Variants in TSC22D1 observed in about 807,000 individuals in gnomAD.
TSC22D1 encodes the protein TSC22 domain family protein 1.
In TSC22D1, 9 loss-of-function variants were observed where a neutral mutation model predicts 74.2. That is an observed-to-expected ratio of 0.12 (90% confidence interval 0.07 to 0.21). The LOEUF (loss-of-function observed/expected upper bound fraction) is 0.21, where lower values mean the gene tolerates loss of function less well. Ranked by LOEUF, TSC22D1 falls within the 10% of genes least tolerant of loss-of-function variation. TSC22D1 has a pLI of 1.00. For missense variants in TSC22D1, 1,427 were observed against 1,304.7 expected (o/e 1.09, Z -1.44); for synonymous variants, 586 against 492.5 (o/e 1.19, Z -2.51).
intron 1 of TSC22D1, among the ~76,000 whole-genome samples, chr13:44,532,482 CTT>C (rs57246876): frequency 4.0e-5 from 6 of 151,284 alleles, no homozygotes; most frequent in Non-Finnish European, 8.8e-5. Context: ...TCTACAAAAT[CTT>C]TTTTTTTGAG....
intron 1 of TSC22D1, among the ~76,000 whole-genome samples, chr13:44,560,017 A>G (rs1882934372): frequency 6.6e-6 from 1 of 152,192 alleles, no homozygotes; most frequent in Non-Finnish European, 1.5e-5. Context: ...AATATTAGGC[A>G]CAAACAAAAG....
intron 1 of TSC22D1, among the ~76,000 whole-genome samples, chr13:44,557,873 A>T (rs557744020): frequency 6.6e-6 from 1 of 152,282 alleles, no homozygotes; most frequent in East Asian, 1.9e-4. Context: ...GTGTCTCCAT[A>T]TTCACTTATT....
chr13:44,484,300 C>T (rs187854216), intron 1 of TSC22D1, among the ~76,000 whole-genome samples: 53 of 152,310 alleles, frequency 3.5e-4, no homozygotes, highest in Non-Finnish European at 6.8e-4. Context: ...CTAGTCTCTA[C>T]AGTAACAAGA....
chr13:44,436,190 A>G (rs548644047), intron 1 of TSC22D1, 95 bp from the exon 2 acceptor site: 16 of 1,360,058 alleles, frequency 1.2e-5, no homozygotes, highest in Non-Finnish European at 1.5e-5. Context: ...TATTGCTAGC[A>G]TCATATTTTG....
intron 1 of TSC22D1, among the ~76,000 whole-genome samples, chr13:44,535,217 A>ACCTATGCCATACCTTACCTCTT (rs1316785195): frequency 6.8e-4 from 104 of 152,130 alleles, no homozygotes; most frequent in Admixed American, 1.8e-3. Flanking sequence ...ATATTTTTCT[A>ACCTATGCCATACCTTACCTCTT]CCTATGCCAT....
At chr13:44,505,449 G>T (rs1466941576) in intron 1 of TSC22D1, among the ~76,000 whole-genome samples, 1 of 152,120 alleles carries the variant, frequency 6.6e-6, no homozygotes, top group African/African-American at 2.4e-5. Flanking sequence ...TGCTACTTGG[G>T]AGGTTGAGGT....
chr13:44,568,232 G>A (rs1883509599), intron 1 of TSC22D1, among the ~76,000 whole-genome samples: 1 of 152,130 alleles, frequency 6.6e-6, no homozygotes, highest in Non-Finnish European at 1.5e-5. Flanking sequence ...CAAAGTGAAA[G>A]GAATCCCAGA....
intron 1 of TSC22D1, among the ~76,000 whole-genome samples, chr13:44,454,771 C>T (rs1052482937): frequency 4.6e-5 from 7 of 152,068 alleles, no homozygotes; most frequent in Non-Finnish European, 8.8e-5. Flanking sequence ...AGGAGGAAAC[C>T]AAGGCGCAAA....
At chr13:44,533,655 T>A (rs1595142751) in intron 1 of TSC22D1, among the ~76,000 whole-genome samples, 1 of 151,822 alleles carries the variant, frequency 6.6e-6, no homozygotes, top group Admixed American at 6.6e-5. Context: ...TGATGGCAGG[T>A]GCCTGTAATC....
chr13:44,434,088 G>A lies in TSC22D1; in HGVS notation c.*538C>T. The A allele has an allele frequency of 6.6e-7, 1 of 1,522,202 alleles. No individual in the cohort carries two copies. Among genetic ancestry groups the A allele is most frequent in the Admixed American group, 2.2e-5 (1 of 46,016 alleles). 94.3% of individuals were successfully genotyped at this position (1,522,202 alleles called of 1,614,324 possible). A position where few individuals can be genotyped will look rare whatever the true frequency, so the allele number is the denominator to read the frequency against. On this transcript the variant is annotated 3_prime_UTR_variant, in exon 3 of 3. Transcript: ENST00000458659. ...TCATCCATTGTTTGAGAAGAAAGAG[G>A]CACAGTACTATTGTTTTTTATGAAT...
At chr13:44,576,769 G>T (rs1182907926), upstream of TSC22D1, among the ~76,000 whole-genome samples, 1 of 151,296 alleles carries the variant, frequency 6.6e-6, no homozygotes, top group Non-Finnish European at 1.5e-5. Flanking sequence ...CCGGTACGGT[G>T]AGCCCAGCAA....
At chr13:44,572,808 T>C (rs898888980) in intron 1 of TSC22D1, among the ~76,000 whole-genome samples, 1 of 152,244 alleles carries the variant, frequency 6.6e-6, no homozygotes, top group Non-Finnish European at 1.5e-5. Context: ...GAGATTATTT[T>C]AGCAGCTCAA....
intron 1 of TSC22D1, among the ~76,000 whole-genome samples, chr13:44,465,950 G>T (rs1595098155): frequency 6.6e-6 from 1 of 151,034 alleles, no homozygotes; most frequent in Admixed American, 6.6e-5. Context: ...TCCAGCCTGG[G>T]CAACAAGAGC....
intron 1 of TSC22D1, among the ~76,000 whole-genome samples, chr13:44,489,373 A>C (rs1710542977): frequency 6.6e-6 from 1 of 152,156 alleles, no homozygotes; most frequent in Admixed American, 6.5e-5. Flanking sequence ...CTACATCAAA[A>C]TTAGGAATTT....
chr13:44,547,986 T>C (rs747468083), intron 1 of TSC22D1, among the ~76,000 whole-genome samples: 3 of 152,158 alleles, frequency 2.0e-5, no homozygotes, highest in African/African-American at 7.2e-5. Context: ...ATTTTATATA[T>C]ATTGCCTCAT....
At chr13:44,499,950 G>A (rs1250970267) in intron 1 of TSC22D1, among the ~76,000 whole-genome samples, 2 of 151,882 alleles carry the variant, frequency 1.3e-5, no homozygotes, top group Admixed American at 1.3e-4. Flanking sequence ...AGCCAGGCGT[G>A]GTGGCAGGTG....
At chr13:44,539,404 T>C (rs764544620) in intron 1 of TSC22D1, 70 of 985,266 alleles carry the variant, frequency 7.1e-5, no homozygotes, top group Non-Finnish European at 8.2e-5. Flanking sequence ...ATGTCCAGTT[T>C]GCCCAAAGAT....
In TSC22D1 at chr13:44,533,010, A is replaced by C. The variant is rs140363601; in HGVS notation, c.2912+40153T>G. 4.9e-3 allele frequency among the ~76,000 whole-genome samples: 741 copies of C among 152,282 alleles called. 7 individuals carry two copies. The highest frequency in any genetic ancestry group is 0.017 in the African/African-American group (709 of 41,548). On this transcript the variant is annotated intron_variant, in intron 1 of 2. Coordinates refer to ENST00000458659, the MANE Select transcript of TSC22D1 (RefSeq NM_183422.4). Reference sequence around the variant, plus strand: ...TAGTGAAGAGACTTGAGTACTACAGACAATTTGTTTAAAAGAGTGTGGTAT... The same window carrying C: ...TAGTGAAGAGACTTGAGTACTACAGCCAATTTGTTTAAAAGAGTGTGGTAT...
chr13:44,523,971 T>C (rs1031196253), intron 1 of TSC22D1, among the ~76,000 whole-genome samples: 3 of 151,870 alleles, frequency 2.0e-5, no homozygotes, highest in African/African-American at 7.3e-5. Flanking sequence ...GATAGACCCA[T>C]CCTCTAGAGA....
Sources: gnomAD v4.1 joint callset for allele counts (sites outside exome capture counted in the v4.1 genomes callset) on GRCh38, gnomAD v4.1.1 for gene constraint, MANE v1.5 for transcripts, NCBI Gene and HGNC (gene_info 2026-07-23, HGNC 2026-07-21) for gene names.